ZMIZ1: variants seen among roughly 807,000 people sequenced by gnomAD.
ZMIZ1 encodes the protein zinc finger MIZ-type containing 1.
In ZMIZ1, 17 loss-of-function variants were observed where a neutral mutation model predicts 113.9. The ratio of observed to expected loss-of-function variants is 0.15; its 90% CI spans 0.10 to 0.22. The LOEUF (loss-of-function observed/expected upper bound fraction) is 0.22. Ranked by LOEUF, ZMIZ1 falls within the 10% of genes least tolerant of loss-of-function variation. ZMIZ1 has a pLI of 1.00. For missense variants in ZMIZ1, 1,059 were observed against 1,477.8 expected (o/e 0.72, Z 4.65); for synonymous variants, 607 against 603.1 (o/e 1.01, Z -0.09).
intron 7 of ZMIZ1, among the ~76,000 whole-genome samples, chr10:79,267,645 G>T (rs1851688296): frequency 6.6e-6 from 1 of 152,202 alleles, no homozygotes; most frequent in Non-Finnish European, 1.5e-5. Context: ...AACCCAGGCA[G>T]CCTGGCTCCA....
At chr10:79,229,368 C>T (rs1016878042) in intron 7 of ZMIZ1, among the ~76,000 whole-genome samples, 5 of 152,332 alleles carry the variant, frequency 3.3e-5, no homozygotes, top group African/African-American at 1.2e-4. Context: ...AGTCTGGCCA[C>T]GGCTTTCCTT....
chr10:79,182,298 C>CT (rs1847154545), intron 4 of ZMIZ1, among the ~76,000 whole-genome samples: 1 of 152,210 alleles, frequency 6.6e-6, no homozygotes, highest in Admixed American at 6.5e-5. Context: ...CAAGTCTGGG[C>CT]TGCCTGGCTG....
At chr10:79,310,818 G>A (rs996303689) in intron 23 of ZMIZ1, 106 bp from the exon 24 acceptor site, 61 of 1,325,266 alleles carry the variant, frequency 4.6e-5, no homozygotes, top group Admixed American at 2.9e-4. Flanking sequence ...GCCACGTTTC[G>A]GGGGTTGTGA....
intron 4 of ZMIZ1, among the ~76,000 whole-genome samples, chr10:79,163,662 A>T (rs1846203004): frequency 6.6e-6 from 1 of 152,236 alleles, no homozygotes; most frequent in African/African-American, 2.4e-5. Context: ...CATCAGGATT[A>T]ACCAGTGCAT....
At chr10:79,216,084 C>T in intron 6 of ZMIZ1, 85 bp from the exon 7 acceptor site, 2 of 976,946 alleles carry the variant, frequency 2.0e-6, no homozygotes, top group Middle Eastern at 2.3e-4. Flanking sequence ...AGCTTGCCCA[C>T]CTCACCCACT....
intron 9 of ZMIZ1, 58 bp downstream of exon 9, chr10:79,289,947 C>T: frequency 6.5e-7 from 1 of 1,528,896 alleles, no homozygotes; most frequent in Non-Finnish European, 9.0e-7. Flanking sequence ...GTCCCTTGAC[C>T]CCTGGAGCCA....
intron 8 of ZMIZ1, among the ~76,000 whole-genome samples, chr10:79,288,328 C>T (rs1186958547): frequency 3.3e-5 from 5 of 152,216 alleles, no homozygotes; most frequent in Non-Finnish European, 1.5e-5. Flanking sequence ...GCCTCCTCAG[C>T]ACCTCCATCC....
At chr10:79,114,196 C>A (rs1048308579) in intron 1 of ZMIZ1, among the ~76,000 whole-genome samples, 5 of 152,212 alleles carry the variant, frequency 3.3e-5, no homozygotes, top group Admixed American at 3.3e-4. Flanking sequence ...AGAAAACACC[C>A]CAGTGGAAAC....
intron 8 of ZMIZ1, among the ~76,000 whole-genome samples, chr10:79,280,489 G>A (rs1439918680): frequency 6.6e-6 from 1 of 151,902 alleles, no homozygotes; most frequent in Non-Finnish European, 1.5e-5. Flanking sequence ...TGCCCAGGCT[G>A]GTTTCGAACT....
chr10:79,301,027 G>C, intron 17 of ZMIZ1, 85 bp downstream of exon 17: 4 of 1,541,428 alleles, frequency 2.6e-6, no homozygotes, highest in Non-Finnish European at 3.5e-6. Context: ...GCCCCACTCT[G>C]GTCCTCAGCC....
chr10:79,237,689 CGTG>C (rs1849648439), intron 7 of ZMIZ1, among the ~76,000 whole-genome samples: 2 of 152,336 alleles, frequency 1.3e-5, no homozygotes, highest in Non-Finnish European at 2.9e-5. Flanking sequence ...CTCATCTTAA[CGTG>C]GTCATCTGCA....
intron 15 of ZMIZ1, 69 bp downstream of exon 15, chr10:79,298,649 C>T (rs914373675): frequency 1.3e-5 from 18 of 1,410,434 alleles, no homozygotes; most frequent in Admixed American, 2.4e-5. Flanking sequence ...GCAGGGGCTT[C>T]GCAGTCAGGC....
At chr10:79,147,842 G>T (rs1003815569) in intron 3 of ZMIZ1, among the ~76,000 whole-genome samples, 2 of 152,166 alleles carry the variant, frequency 1.3e-5, no homozygotes, top group African/African-American at 2.4e-5. Flanking sequence ...CAGACCCTGG[G>T]CTTCCAAAGC....
intron 8 of ZMIZ1, among the ~76,000 whole-genome samples, chr10:79,278,395 TTTATTATTATTATTTA>T (rs999297963): frequency 6.6e-6 from 1 of 151,112 alleles, no homozygotes; most frequent in African/African-American, 2.4e-5. Context: ...AGTTTTTCTT[TTTATTATTATTATTTA>T]TTATTATTAT....
intron 7 of ZMIZ1, among the ~76,000 whole-genome samples, chr10:79,224,047 T>A (rs1254689664): frequency 6.6e-6 from 1 of 152,194 alleles, no homozygotes; most frequent in Non-Finnish European, 1.5e-5. Context: ...AGGCTATTTC[T>A]ACGGCCATTA....
chr10:79,156,309 G>A (rs895590269), intron 3 of ZMIZ1, among the ~76,000 whole-genome samples: 2 of 152,120 alleles, frequency 1.3e-5, no homozygotes, highest in East Asian at 1.9e-4. Context: ...GGGTCCCCAC[G>A]GTGCCAGGTT....
At chr10:79,230,529 C>A (rs1195402343) in intron 7 of ZMIZ1, among the ~76,000 whole-genome samples, 1 of 152,244 alleles carries the variant, frequency 6.6e-6, no homozygotes, top group African/African-American at 2.4e-5. Flanking sequence ...TGTTTAGAAT[C>A]ACTTCCTCCC....
At chr10:79,268,513 T>C (rs968999820) in intron 7 of ZMIZ1, among the ~76,000 whole-genome samples, 3 of 152,184 alleles carry the variant, frequency 2.0e-5, no homozygotes, top group Non-Finnish European at 4.4e-5. Flanking sequence ...CGTCTCAGCA[T>C]ATTGGGTTAT....
At chr10:79,092,426 TCTC>T (rs1843010973) in intron 1 of ZMIZ1, among the ~76,000 whole-genome samples, 1 of 152,248 alleles carries the variant, frequency 6.6e-6, no homozygotes. Flanking sequence ...GCCTTGGCGT[TCTC>T]CTCCATAAAT....
Sources: gnomAD v4.1 joint callset for allele counts (sites outside exome capture counted in the v4.1 genomes callset) on GRCh38, gnomAD v4.1.1 for gene constraint, MANE v1.5 for transcripts, NCBI Gene and HGNC (gene_info 2026-07-23, HGNC 2026-07-21) for gene names.